The following SGPP2 variants were observed in gnomAD, a reference collection of about 807,000 sequenced individuals.
The protein encoded by SGPP2 is sphingosine 1-phosphate phosphohydrolase 2.
In SGPP2, 30 loss-of-function variants were observed where a neutral mutation model predicts 33.9. That is an observed-to-expected ratio of 0.89 (90% confidence interval 0.66 to 1.20). The LOEUF is 1.20. SGPP2 is among the 50% of genes most tolerant of loss of function. The probability of loss-of-function intolerance (pLI) is 0.00; values close to 1 mark genes in which losing one functional copy is unlikely to be tolerated. For synonymous variants in SGPP2, 233 were observed against 225.0 expected, an observed-to-expected ratio of 1.04 and a Z score of -0.32; for missense variants, 458 against 532.1, an observed-to-expected ratio of 0.86 and a Z score of 1.37.
intron 2 of SGPP2, among the ~76,000 whole-genome samples, chr2:222,521,196 C>T (rs941098586): frequency 2.0e-5 from 3 of 152,216 alleles, no homozygotes; most frequent in Admixed American, 6.5e-5. Flanking sequence ...ACTAGCTGTT[C>T]GAGTAAGAAC....
At chr2:222,508,022 C>G (rs938227728) in intron 2 of SGPP2, among the ~76,000 whole-genome samples, 3 of 152,112 alleles carry the variant, frequency 2.0e-5, no homozygotes, top group Non-Finnish European at 4.4e-5. Context: ...GACACTCGTT[C>G]CCTCAGTGGG....
rs567560574 is a variant in SGPP2, at chr2:222,521,054, C to G, written c.379-713C>G. 3.3e-5 allele frequency among the ~76,000 whole-genome samples: 5 copies of G among 152,348 alleles called. 1 individual carries two copies. The South Asian group carries it at 1.0e-3, about 32-fold the overall frequency. Reference sequence around the variant, plus strand: ...GGATTATAGGCATTAGCCACTGCACCCAACCTGAGTCTTTATTTAAAGACT... The same window carrying G: ...GGATTATAGGCATTAGCCACTGCACGCAACCTGAGTCTTTATTTAAAGACT... On this transcript the variant is annotated intron_variant, in intron 2 of 4. Coordinates refer to ENST00000321276, the MANE Select transcript of SGPP2 (RefSeq NM_152386.4).
At chr2:222,543,284 C>T (rs1047601532) in intron 4 of SGPP2, among the ~76,000 whole-genome samples, 1 of 152,136 alleles carries the variant, frequency 6.6e-6, no homozygotes, top group African/African-American at 2.4e-5. Context: ...TACTCAGCAC[C>T]ATTTATTGAA....
At chr2:222,457,883 G>A (rs1310181217) in intron 1 of SGPP2, among the ~76,000 whole-genome samples, 2 of 152,156 alleles carry the variant, frequency 1.3e-5, no homozygotes, top group Non-Finnish European at 2.9e-5. Context: ...TGCTGGGATT[G>A]CCAATGAATG....
chr2:222,559,169 C>CTA lies in SGPP2; in HGVS notation c.*271_*272insTA, dbSNP rs1553543460. 5 of 112,612 alleles carry CTA rather than the reference C, an allele frequency of 4.4e-5. 1 individual carries two copies. The South Asian group carries it at 1.1e-3, about 26-fold the overall frequency. The allele number at this position is 112,612 out of a possible 1,614,324, so 7.0% of individuals were successfully genotyped here. On this transcript the variant is annotated 3_prime_UTR_variant, in exon 5 of 5. Transcript: ENST00000321276. ...TTAAAGGCACACACCGCGCCCCCCC[C>CTA]CCCCCCGCCCGGCCCCTGCTCCTCT... is the stretch of plus-strand genomic sequence containing the variant.
chr2:222,546,192 C>T (rs906724044), intron 4 of SGPP2, among the ~76,000 whole-genome samples: 1 of 152,094 alleles, frequency 6.6e-6, no homozygotes, highest in African/African-American at 2.4e-5. Flanking sequence ...TTTTTTAAAG[C>T]CCTGACACCT....
intron 4 of SGPP2, among the ~76,000 whole-genome samples, chr2:222,543,157 G>A (rs1295930985): frequency 2.0e-5 from 3 of 152,050 alleles, no homozygotes; most frequent in Non-Finnish European, 2.9e-5. Context: ...ACTACTAAAA[G>A]GTCATAAAGA....
At chr2:222,440,602 A>C (rs1441508038) in intron 1 of SGPP2, among the ~76,000 whole-genome samples, 1 of 151,902 alleles carries the variant, frequency 6.6e-6, no homozygotes, top group Non-Finnish European at 1.5e-5. Flanking sequence ...CAGCCTCCCA[A>C]AGTGCTGGGT....
intron 2 of SGPP2, among the ~76,000 whole-genome samples, chr2:222,496,834 C>T (rs1299392993): frequency 6.6e-6 from 1 of 152,178 alleles, no homozygotes; most frequent in Non-Finnish European, 1.5e-5. Context: ...TGCATTCCCT[C>T]CCAGTTGGTT....
intron 4 of SGPP2, among the ~76,000 whole-genome samples, chr2:222,552,666 G>C (rs1040796473): frequency 1.9e-4 from 29 of 152,110 alleles, no homozygotes; most frequent in Non-Finnish European, 3.2e-4. Flanking sequence ...TTTGAGACCA[G>C]CCTTACCAAC....
chr2:222,468,383 GT>G (rs1697783683), intron 1 of SGPP2, among the ~76,000 whole-genome samples: 2 of 138,286 alleles, frequency 1.4e-5, no homozygotes, highest in African/African-American at 6.0e-5. Flanking sequence ...TTCCTTCCTT[GT>G]AAAAAAAAAA....
Position 222,559,176 on chromosome 2 carries a change from G to GC in SGPP2, c.*281dup, listed in dbSNP as rs878972264. ...CACACACCGCGCCCCCCCCCCCCCC[G>GC]CCCGGCCCCTGCTCCTCTCGCTGTT... On this transcript the variant is annotated 3_prime_UTR_variant, in exon 5 of 5. Transcript: ENST00000321276. 13 of 43,310 alleles carry GC rather than the reference G, an allele frequency of 3.0e-4. 1 individual carries two copies. Among genetic ancestry groups the GC allele is most frequent in the African/African-American group, 1.3e-3 (12 of 9,226 alleles). 2.7% of individuals were successfully genotyped at this position (43,310 alleles called of 1,614,324 possible).
Position 222,452,739 on chromosome 2 carries a change from G to A in SGPP2, c.220-21829G>A, listed in dbSNP as rs370244106. The A allele has an allele frequency of 8.9e-5, 126 of 1,421,746 alleles. No homozygotes were observed. The African/African-American group carries it at 1.5e-3, about 17-fold the overall frequency. 88.1% of individuals were successfully genotyped at this position (1,421,746 alleles called of 1,614,324 possible). On this transcript the variant is annotated intron_variant, in intron 1 of 4. Coordinates refer to ENST00000321276, the MANE Select transcript of SGPP2 (RefSeq NM_152386.4). ...GTTGCTCCACATTGGAAGGTTTCCA[G>A]TCGTGTTCACCAGGCATTCCTGGTG...
At chr2:222,492,871 T>C (rs534481579) in intron 2 of SGPP2, among the ~76,000 whole-genome samples, 28 of 152,346 alleles carry the variant, frequency 1.8e-4, no homozygotes, top group Non-Finnish European at 3.1e-4. Context: ...AGTCTCTTTG[T>C]TTAAAGCATA....
chr2:222,529,911 C>T (rs772220432), intron 4 of SGPP2, among the ~76,000 whole-genome samples: 4 of 152,116 alleles, frequency 2.6e-5, no homozygotes, highest in Non-Finnish European at 5.9e-5. Context: ...AAAAGTAAGA[C>T]TTGAAAGTAG....
In SGPP2 at chr2:222,558,361, C is replaced by G. The variant is rs374984596; in HGVS notation, c.663C>G (p.Gly221=). ...CCTTCCCAAAGGATGTGCTGGGTGG[C>G]GTCCTGATCACCGCACTCCTCATCG... is the stretch of plus-strand genomic sequence containing the variant. The part of the protein sequence containing the change: ...GMHTVLDVLG[G]VLITALLIVL... Residue 221 remains glycine, a synonymous_variant, in exon 5 of 5, where the codon GGC becomes GGG. Coordinates refer to ENST00000321276, the MANE Select transcript of SGPP2 (RefSeq NM_152386.4). 4.3e-6 allele frequency: 7 copies of G among 1,614,016 alleles called. No individual in the cohort carries two copies. The Admixed American group carries it at 1.0e-4, about 23-fold the overall frequency.
intron 1 of SGPP2, among the ~76,000 whole-genome samples, chr2:222,439,561 C>T (rs1190719589): frequency 6.6e-6 from 1 of 152,030 alleles, no homozygotes; most frequent in African/African-American, 2.4e-5. Context: ...CAAAACGTTC[C>T]TCAGGAGATA....
chr2:222,453,814 A>G (rs2164582), intron 1 of SGPP2, among the ~76,000 whole-genome samples: 120,121 of 152,148 alleles, frequency 0.79, 47,561 homozygotes, highest in Middle Eastern at 0.92. Flanking sequence ...GTTATATGCA[A>G]ATTTTTGACT....
chr2:222,461,411 T>C (rs1269460340), intron 1 of SGPP2, among the ~76,000 whole-genome samples: 1 of 152,168 alleles, frequency 6.6e-6, no homozygotes, highest in Non-Finnish European at 1.5e-5. Context: ...ACCAGTTTCA[T>C]GGAAGACGAT....
Sources: allele counts gnomAD v4.1 joint callset (sites outside exome capture counted in the v4.1 genomes callset), GRCh38; gene constraint gnomAD v4.1.1; transcripts MANE v1.5; gene names NCBI Gene and HGNC (gene_info 2026-07-23, HGNC 2026-07-21).